The following SEMA6D variants were observed in gnomAD, a reference collection of about 807,000 sequenced individuals.
SEMA6D encodes the protein semaphorin-6D.
A neutral mutation model predicts 106.6 loss-of-function variants in SEMA6D; 35 were observed. The ratio of observed to expected loss-of-function variants is 0.33; its 90% CI spans 0.25 to 0.44. The LOEUF (loss-of-function observed/expected upper bound fraction) is 0.44. Among genes scored for constraint, SEMA6D ranks in the 20% least tolerant of loss-of-function variants. The pLI is 1.00. For missense variants in SEMA6D, 1,185 were observed against 1,345.9 expected, an observed-to-expected ratio of 0.88 and a Z score of 1.87; for synonymous variants, 499 against 487.7, an observed-to-expected ratio of 1.02 and a Z score of -0.31.
chr15:47,445,204 G>C (rs375713080), intron 2 of SEMA6D, among the ~76,000 whole-genome samples: 3 of 152,036 alleles, frequency 2.0e-5, no homozygotes, highest in African/African-American at 4.8e-5. Flanking sequence ...GTACAGAAGA[G>C]GGGGGTGTGG....
intron 1 of SEMA6D, among the ~76,000 whole-genome samples, chr15:47,234,075 C>A (rs901151223): frequency 4.0e-5 from 6 of 151,834 alleles, no homozygotes; most frequent in Admixed American, 2.0e-4. Flanking sequence ...AAACAATATA[C>A]CAACCAAAAC....
At chr15:47,577,743 C>T (rs188590396) in intron 3 of SEMA6D, among the ~76,000 whole-genome samples, 1 of 152,158 alleles carries the variant, frequency 6.6e-6, no homozygotes, top group Non-Finnish European at 1.5e-5. Flanking sequence ...GACAGTCTGC[C>T]GCTCCAGCTG....
chr15:47,270,155 T>A (rs2034493818), intron 1 of SEMA6D, among the ~76,000 whole-genome samples: 1 of 148,246 alleles, frequency 6.7e-6, no homozygotes, highest in Admixed American at 6.8e-5. Flanking sequence ...TAATAAAATA[T>A]GTTATAAATA....
intron 1 of SEMA6D, among the ~76,000 whole-genome samples, chr15:47,257,408 T>A (rs2033866426): frequency 6.6e-6 from 1 of 152,212 alleles, no homozygotes; most frequent in Non-Finnish European, 1.5e-5. Context: ...TTTGAAACTT[T>A]CCTCATTTCT....
rs2082694824 is a variant in SEMA6D, at chr15:47,772,889, T to C, written c.*1104T>C. On this transcript the variant is annotated 3_prime_UTR_variant, in exon 19 of 19. Coordinates refer to ENST00000536845, the MANE Select transcript of SEMA6D (RefSeq NM_001358351.3). Reference sequence around the variant, plus strand: ...CAAAAAACAAACAAACAAACAAAAATAGAAGACAAAAGAAAGACATATGAA... The same window carrying C: ...CAAAAAACAAACAAACAAACAAAAACAGAAGACAAAAGAAAGACATATGAA... The C allele has an allele frequency of 7.5e-6, 1 of 133,266 alleles. No individual in the cohort carries two copies. The highest frequency in any genetic ancestry group is 2.8e-5 in the African/African-American group (1 of 35,582). 8.3% of individuals were successfully genotyped at this position (133,266 alleles called of 1,614,324 possible).
chr15:47,354,580 C>T (rs28610487), intron 1 of SEMA6D, among the ~76,000 whole-genome samples: 8 of 115,674 alleles, frequency 6.9e-5, no homozygotes, highest in Admixed American at 1.9e-4. Context: ...TATATATACA[C>T]ACACATATAT....
chr15:47,643,828 A>C (rs977601246), intron 4 of SEMA6D, among the ~76,000 whole-genome samples: 1 of 152,180 alleles, frequency 6.6e-6, no homozygotes, highest in African/African-American at 2.4e-5. Context: ...TATAGTCACT[A>C]TACAGTGCTA....
In SEMA6D at chr15:47,760,357, C is replaced by A. The variant is rs199560217; in HGVS notation, c.163C>A (p.His55Asn). The change falls in exon 3 of 19, where the codon CAC (histidine) becomes AAC (asparagine). Residue 55 changes from histidine to asparagine, a missense_variant. By Grantham distance (68) the His-to-Asn change is moderately conservative (BLOSUM62 1). This residue lies in a region of SEMA6D where 144 missense variants were observed against 138.6 expected (regional missense o/e 1.04). Transcript: ENST00000536845. The stretch of plus-strand genomic sequence containing the variant: ...ACGCCCTTCAGGCAATGAATCGCAG[C>A]ACAGGCTGGACTTTCAGCTGATGTT... ...RGRPSGNESQ[H>N]RLDFQLMLKI... 6.2e-7 allele frequency: 1 copy of A among 1,613,708 alleles called. No individual in the cohort carries two copies. The highest frequency in any genetic ancestry group is 1.3e-5 in the African/African-American group (1 of 75,026).
At chr15:47,234,795 G>A (rs1338216944) in intron 1 of SEMA6D, among the ~76,000 whole-genome samples, 1 of 152,090 alleles carries the variant, frequency 6.6e-6, no homozygotes, top group East Asian at 1.9e-4. Context: ...TGTGAATTGT[G>A]CTGCCATAAA....
intron 1 of SEMA6D, among the ~76,000 whole-genome samples, chr15:47,241,643 G>A (rs2032914733): frequency 6.6e-6 from 1 of 151,672 alleles, no homozygotes. Flanking sequence ...CAAACCAACA[G>A]GGAGAGGAGA....
chr15:47,230,884 A>T (rs1259223978), intron 1 of SEMA6D, among the ~76,000 whole-genome samples: 1 of 152,030 alleles, frequency 6.6e-6, no homozygotes, highest in Non-Finnish European at 1.5e-5. Flanking sequence ...CAGATAACGG[A>T]TGTGTAGGTA....
At chr15:47,740,688 C>T (rs963542933) in intron 1 of SEMA6D, among the ~76,000 whole-genome samples, 8 of 152,118 alleles carry the variant, frequency 5.3e-5, no homozygotes, top group Admixed American at 2.0e-4. Context: ...GCCAAAGGAG[C>T]GAGCCGTGAG....
intron 3 of SEMA6D, among the ~76,000 whole-genome samples, chr15:47,499,090 T>C (rs1228035148): frequency 6.6e-6 from 1 of 152,178 alleles, no homozygotes; most frequent in East Asian, 1.9e-4. Flanking sequence ...ATCATTTTAA[T>C]TTAGCCCTTA....
intron 3 of SEMA6D, among the ~76,000 whole-genome samples, chr15:47,531,531 G>C (rs1405258446): frequency 3.3e-5 from 5 of 152,192 alleles, no homozygotes; most frequent in African/African-American, 7.2e-5. Context: ...TTCAGGTAAA[G>C]GCACTGTATA....
At chr15:47,537,810 T>C (rs534915952) in intron 3 of SEMA6D, among the ~76,000 whole-genome samples, 5 of 152,286 alleles carry the variant, frequency 3.3e-5, no homozygotes, top group Admixed American at 3.3e-4. Flanking sequence ...TCTGGGATAA[T>C]ACATGGCTGT....
chr15:47,765,963 A>T lies in SEMA6D; in HGVS notation c.1522A>T (p.Ile508Phe). 1.3e-6 allele frequency: 2 copies of T among 1,593,174 alleles called. No homozygotes were observed. The highest frequency in any genetic ancestry group is 2.3e-5 in the South Asian group (2 of 86,942). ...ATATGTGGCGTTCTCTAGCTGCATTATCCGCATCCCCCTCAGTCGCTGTGA... is the reference window on the plus strand; with the variant it reads ...ATATGTGGCGTTCTCTAGCTGCATTTTCCGCATCCCCCTCAGTCGCTGTGA... ...ALYVAFSSCIIRIPLSRCERY... is the reference protein window; with the variant it reads ...ALYVAFSSCIFRIPLSRCERY... Residue 508 changes from isoleucine to phenylalanine, a missense_variant, in exon 14 of 19, where the codon ATC becomes TTC. Physicochemically the swap from Ile to Phe is conservative, Grantham distance 21 (BLOSUM62 0). Around this residue, in one of 3 missense-constraint regions of SEMA6D, gnomAD observed 750 missense variants for 783.5 expected, o/e 0.96. Coordinates refer to ENST00000536845, the MANE Select transcript of SEMA6D (RefSeq NM_001358351.3).
chr15:47,330,774 C>T (rs371999476), intron 1 of SEMA6D, among the ~76,000 whole-genome samples: 4 of 152,054 alleles, frequency 2.6e-5, no homozygotes, highest in East Asian at 1.9e-4. Context: ...AGATCAGGGA[C>T]GGCTTCTCTG....
chr15:47,202,578 G>C (rs1162369772), intron 1 of SEMA6D, among the ~76,000 whole-genome samples: 2 of 152,148 alleles, frequency 1.3e-5, no homozygotes, highest in South Asian at 4.1e-4. Context: ...CAAGACCCTG[G>C]AAGTATGTCA....
chr15:47,228,017 C>CTTAT (rs35418179), intron 1 of SEMA6D, among the ~76,000 whole-genome samples: 18 of 140,174 alleles, frequency 1.3e-4, no homozygotes, highest in Admixed American at 8.0e-4. Flanking sequence ...ATATAAGAAT[C>CTTAT]ATATATTTTT....
Sources: allele counts gnomAD v4.1 joint callset (sites outside exome capture counted in the v4.1 genomes callset), GRCh38; gene constraint gnomAD v4.1.1; regional missense constraint gnomAD v4.1.1; transcripts MANE v1.5; gene names NCBI Gene and HGNC (gene_info 2026-07-23, HGNC 2026-07-21).